Variants in SLC5A3 observed in about 807,000 individuals in gnomAD.
The protein encoded by SLC5A3 is sodium/myo-inositol cotransporter.
A neutral mutation model predicts 43.2 loss-of-function variants in SLC5A3; 10 were observed. That is an observed-to-expected ratio of 0.23 (90% CI 0.14 to 0.39). The LOEUF is 0.39. Among genes scored for constraint, SLC5A3 ranks in the 10% least tolerant of loss-of-function variants. The probability of loss-of-function intolerance (pLI) is 1.00; values close to 1 mark genes in which losing one functional copy is unlikely to be tolerated. For missense variants in SLC5A3, 608 were observed against 893.4 expected (o/e 0.68, Z 4.07); for synonymous variants, 349 against 322.0 (o/e 1.08, Z -0.90).
chr21:34,103,667 C>T lies in SLC5A3; in HGVS notation c.*6312C>T, dbSNP rs984195300. 2.0e-6 allele frequency: 2 copies of T among 1,000,012 alleles called. No homozygotes were observed. Among genetic ancestry groups the T allele is most frequent in the African/African-American group, 1.7e-5 (1 of 57,202 alleles). 61.9% of individuals were successfully genotyped at this position (1,000,012 alleles called of 1,614,324 possible). On this transcript the variant is annotated 3_prime_UTR_variant, in exon 2 of 2. Transcript: ENST00000381151. ...CCACAAGTGCCAGTCATAAAGGCCA[C>T]CAGGTATTTGTCTCAGAGTTGCTAT...
intron 1 of SLC5A3, among the ~76,000 whole-genome samples, chr21:34,088,945 T>G (rs1666079554): frequency 6.6e-6 from 1 of 152,072 alleles, no homozygotes; most frequent in Non-Finnish European, 1.5e-5. Context: ...AAGCAGATAG[T>G]GTTGAGCCTC....
Position 34,105,003 on chromosome 21 carries a change from G to C in SLC5A3, c.*7648G>C. ...ATAATTAGAGTTTTCTAATTTCACT[G>C]TGAGATCTCTAACTTTTGAGTGGCA... On this transcript the variant is annotated 3_prime_UTR_variant, in exon 2 of 2. Coordinates refer to ENST00000381151, the MANE Select transcript of SLC5A3 (RefSeq NM_006933.7). The C allele has an allele frequency of 1.0e-6, 1 of 1,000,044 alleles. No homozygotes were observed. The highest frequency in any genetic ancestry group is 1.2e-6 in the Non-Finnish European group (1 of 829,826). The allele number at this position is 1,000,044 out of a possible 1,614,324, so 61.9% of individuals were successfully genotyped here. A position where few individuals can be genotyped will look rare whatever the true frequency, so the allele number is the denominator to read the frequency against.
chr21:34,105,449 C>T lies in SLC5A3; in HGVS notation c.*8094C>T. ...ATTCATTTATTTTTAAGCCAAATGT[C>T]AGCAGAGTGCTGCTGCTTTTATCTA... On this transcript the variant is annotated 3_prime_UTR_variant, in exon 2 of 2. Coordinates refer to ENST00000381151, the MANE Select transcript of SLC5A3 (RefSeq NM_006933.7). 1 of 999,268 alleles carries T rather than the reference C, an allele frequency of 1.0e-6. No homozygotes were observed. Among genetic ancestry groups the T allele is most frequent in the Non-Finnish European group, 1.2e-6 (1 of 829,318 alleles). The allele number at this position is 999,268 out of a possible 1,614,324, so 61.9% of individuals were successfully genotyped here. A position where few individuals can be genotyped will look rare whatever the true frequency, so the allele number is the denominator to read the frequency against.
Position 34,101,726 on chromosome 21 carries a change from A to G in SLC5A3, c.*4371A>G. On this transcript the variant is annotated 3_prime_UTR_variant, in exon 2 of 2. Coordinates refer to ENST00000381151, the MANE Select transcript of SLC5A3 (RefSeq NM_006933.7). ...CAGTATTGAGGACTTTTAGATCCAA[A>G]TAATGACTCATTAAATATAATTATG... 1.0e-6 allele frequency: 1 copy of G among 994,000 alleles called. No individual in the cohort carries two copies. The highest frequency in any genetic ancestry group is 1.2e-6 in the Non-Finnish European group (1 of 824,368). The allele number at this position is 994,000 out of a possible 1,614,324, so 61.6% of individuals were successfully genotyped here. A position where few individuals can be genotyped will look rare whatever the true frequency, so the allele number is the denominator to read the frequency against.
At chr21:34,077,614 A>G (rs544422578) in intron 1 of SLC5A3, among the ~76,000 whole-genome samples, 1 of 151,344 alleles carries the variant, frequency 6.6e-6, no homozygotes, top group South Asian at 2.1e-4. Context: ...AGGAATAAAG[A>G]AGATAGCTAT....
chr21:34,105,746 T>C lies in SLC5A3; in HGVS notation c.*8391T>C, dbSNP rs1310829241. 2 of 998,308 alleles carry C rather than the reference T, an allele frequency of 2.0e-6. No individual in the cohort carries two copies. The highest frequency in any genetic ancestry group is 2.4e-6 in the Non-Finnish European group (2 of 828,392). The allele number at this position is 998,308 out of a possible 1,614,324, so 61.8% of individuals were successfully genotyped here. On this transcript the variant is annotated 3_prime_UTR_variant, in exon 2 of 2. Coordinates refer to ENST00000381151, the MANE Select transcript of SLC5A3 (RefSeq NM_006933.7). ...AGTTTACCTTCTGTTGTCTACAGCT[T>C]TTTTAATTTTAAGGTTTGACTAATT...
chr21:34,097,808 A>G lies in SLC5A3; in HGVS notation c.*453A>G, dbSNP rs1027112035. Reference sequence around the variant, plus strand: ...AAACTTATTTCTTAGACATTGTACAATCAGTTATGTACTGAAAATCGAATG... The same window carrying G: ...AAACTTATTTCTTAGACATTGTACAGTCAGTTATGTACTGAAAATCGAATG... On this transcript the variant is annotated 3_prime_UTR_variant, in exon 2 of 2. Transcript: ENST00000381151. 4 of 999,534 alleles carry G rather than the reference A, an allele frequency of 4.0e-6. No individual in the cohort carries two copies. The highest frequency in any genetic ancestry group is 1.1e-4 in the East Asian group (1 of 8,856). The allele number at this position is 999,534 out of a possible 1,614,324, so 61.9% of individuals were successfully genotyped here. A position where few individuals can be genotyped will look rare whatever the true frequency, so the allele number is the denominator to read the frequency against.
chr21:34,097,829 G>A lies in SLC5A3; in HGVS notation c.*474G>A, dbSNP rs776401432. ...TACAATCAGTTATGTACTGAAAATCGAATGTGCTTGTGTGATACTTGTTTC... is the reference window on the plus strand; with the variant it reads ...TACAATCAGTTATGTACTGAAAATCAAATGTGCTTGTGTGATACTTGTTTC... On this transcript the variant is annotated 3_prime_UTR_variant, in exon 2 of 2. Coordinates refer to ENST00000381151, the MANE Select transcript of SLC5A3 (RefSeq NM_006933.7). 2 of 997,952 alleles carry A rather than the reference G, an allele frequency of 2.0e-6. No individual in the cohort carries two copies. Among genetic ancestry groups the A allele is most frequent in the South Asian group, 4.7e-5 (1 of 21,238 alleles). The allele number at this position is 997,952 out of a possible 1,614,324, so 61.8% of individuals were successfully genotyped here. A position where few individuals can be genotyped will look rare whatever the true frequency, so the allele number is the denominator to read the frequency against.
intron 1 of SLC5A3, among the ~76,000 whole-genome samples, chr21:34,077,650 A>G (rs1989365673): frequency 6.6e-6 from 1 of 152,238 alleles, no homozygotes; most frequent in South Asian, 2.1e-4. Context: ...TTCTTATTAA[A>G]ACAAACAGTA....
intron 1 of SLC5A3, among the ~76,000 whole-genome samples, chr21:34,092,216 G>A (rs1783297): frequency 0.98 from 149,536 of 152,310 alleles, 73,465 homozygotes; most frequent in East Asian, 1. Context: ...GGCTGTGACT[G>A]TGACTAGAGT....
Position 34,100,257 on chromosome 21 carries a change from C to T in SLC5A3, c.*2902C>T, listed in dbSNP as rs1432710338. 2 of 999,998 alleles carry T rather than the reference C, an allele frequency of 2.0e-6. No individual in the cohort carries two copies. Among genetic ancestry groups the T allele is most frequent in the African/African-American group, 3.5e-5 (2 of 57,214 alleles). 61.9% of individuals were successfully genotyped at this position (999,998 alleles called of 1,614,324 possible). A position where few individuals can be genotyped will look rare whatever the true frequency, so the allele number is the denominator to read the frequency against. ...TTTTGTCTTCTCAGGCAATTTTCAT[C>T]TCAAGATCTGATGAGAAGGGCATAT... On this transcript the variant is annotated 3_prime_UTR_variant, in exon 2 of 2. Transcript: ENST00000381151.
At chr21:34,079,446 G>GT (rs145997902) in intron 1 of SLC5A3, among the ~76,000 whole-genome samples, 8,779 of 151,294 alleles carry the variant, frequency 0.058, 300 homozygotes, top group Middle Eastern at 0.13. Flanking sequence ...TCTTCTTTCT[G>GT]TTTTTTTGAG....
intron 1 of SLC5A3, among the ~76,000 whole-genome samples, chr21:34,074,690 A>G (rs1168825310): frequency 6.6e-6 from 1 of 152,162 alleles, no homozygotes; most frequent in Non-Finnish European, 1.5e-5. Flanking sequence ...TTTCTCCACC[A>G]GGTGTAATAA....
rs927241457 is a variant in SLC5A3 at position 34,106,037 on chromosome 21, G to A, written c.*8682G>A. 1.0e-5 allele frequency: 10 copies of A among 997,400 alleles called. No homozygotes were observed. Among genetic ancestry groups the A allele is most frequent in the Non-Finnish European group, 1.2e-5 (10 of 827,508 alleles). 61.8% of individuals were successfully genotyped at this position (997,400 alleles called of 1,614,324 possible). On this transcript the variant is annotated 3_prime_UTR_variant, in exon 2 of 2. Coordinates refer to ENST00000381151, the MANE Select transcript of SLC5A3 (RefSeq NM_006933.7). ...AAGCATATCTGCTAAAGAGCTGTCA[G>A]TTTTCATTACTGACTCTGTAAAATA...
In SLC5A3 at chr21:34,102,311, C is replaced by T. The variant is rs1362597480; in HGVS notation, c.*4956C>T. 1.0e-6 allele frequency: 1 copy of T among 998,014 alleles called. No homozygotes were observed. Among genetic ancestry groups the T allele is most frequent in the Admixed American group, 6.2e-5 (1 of 16,238 alleles). 61.8% of individuals were successfully genotyped at this position (998,014 alleles called of 1,614,324 possible). ...TATTTAAACTTCTCTCTCTTCAATGCTGAGAATAAGGCTTTAAATTACTGA... is the reference window on the plus strand; with the variant it reads ...TATTTAAACTTCTCTCTCTTCAATGTTGAGAATAAGGCTTTAAATTACTGA... On this transcript the variant is annotated 3_prime_UTR_variant, in exon 2 of 2. Transcript: ENST00000381151.
At chr21:34,074,783 A>G (rs1370878808) in intron 1 of SLC5A3, among the ~76,000 whole-genome samples, 1 of 152,242 alleles carries the variant, frequency 6.6e-6, no homozygotes, top group East Asian at 1.9e-4. Context: ...TTTACGTTTG[A>G]AATTAGGCTC....
chr21:34,076,212 C>T (rs927304284), intron 1 of SLC5A3, among the ~76,000 whole-genome samples: 13 of 152,112 alleles, frequency 8.5e-5, no homozygotes, highest in Non-Finnish European at 1.0e-4. Context: ...GTTTTTTCTC[C>T]GCAGTACTCA....
At chr21:34,078,710 T>C (rs1989390545) in intron 1 of SLC5A3, among the ~76,000 whole-genome samples, 1 of 152,224 alleles carries the variant, frequency 6.6e-6, no homozygotes, top group Admixed American at 6.5e-5. Flanking sequence ...TTAACTCATC[T>C]AAAAGAAACC....
At chr21:34,074,170 C>T (rs1178877762) in intron 1 of SLC5A3, among the ~76,000 whole-genome samples, 1 of 149,784 alleles carries the variant, frequency 6.7e-6, no homozygotes, top group African/African-American at 2.4e-5. Context: ...CCCGCCGCCG[C>T]CGCCTGGTCC....
Sources: gnomAD v4.1 joint callset for allele counts (sites outside exome capture counted in the v4.1 genomes callset) on GRCh38, gnomAD v4.1.1 for gene constraint, MANE v1.5 for transcripts, NCBI Gene and HGNC (gene_info 2026-07-23, HGNC 2026-07-21) for gene names.